RALGPS1: variants seen among roughly 807,000 people sequenced by gnomAD.
The protein encoded by RALGPS1 is Ral GEF with PH domain and SH3 binding motif 1, also known as ras-specific guanine nucleotide-releasing factor RalGPS1.
RALGPS1 carries 19 observed loss-of-function variants against 78.8 expected under a neutral mutation model. That is an observed-to-expected ratio of 0.24 (90% CI 0.17 to 0.35). RALGPS1 has a LOEUF of 0.35. RALGPS1 is among the 10% of genes least tolerant of loss of function. RALGPS1 has a pLI of 1.00. For missense variants in RALGPS1, 454 were observed against 688.3 expected, an observed-to-expected ratio of 0.66 and a Z score of 3.81; for synonymous variants, 228 against 256.3, an observed-to-expected ratio of 0.89 and a Z score of 1.06.
chr9:127,109,851 TC>T (rs1478920788), intron 8 of RALGPS1, among the ~76,000 whole-genome samples: 2 of 152,120 alleles, frequency 1.3e-5, no homozygotes, highest in Non-Finnish European at 2.9e-5. Flanking sequence ...CAGGAATGCT[TC>T]CCTGAGAAAG....
chr9:127,086,430 A>G (rs1053489045), intron 8 of RALGPS1, among the ~76,000 whole-genome samples: 3 of 152,134 alleles, frequency 2.0e-5, no homozygotes, highest in Admixed American at 2.0e-4. Context: ...GCCACACGTC[A>G]TGGTTTATCC....
chr9:126,986,337 C>T (rs527836686), intron 4 of RALGPS1, among the ~76,000 whole-genome samples: 4 of 152,236 alleles, frequency 2.6e-5, no homozygotes, highest in South Asian at 4.1e-4. Flanking sequence ...CATAATATCT[C>T]ACAGCTGTGT....
intron 3 of RALGPS1, among the ~76,000 whole-genome samples, chr9:126,977,068 G>T (rs1317737632): frequency 6.6e-6 from 1 of 152,176 alleles, no homozygotes; most frequent in Non-Finnish European, 1.5e-5. Context: ...AAATGTCATG[G>T]TCATGTAAAA....
chr9:127,101,577 A>T (rs533720363), intron 8 of RALGPS1, among the ~76,000 whole-genome samples: 18 of 152,274 alleles, frequency 1.2e-4, no homozygotes, highest in African/African-American at 4.3e-4. Context: ...CCAGCTGAGA[A>T]CCAATAATAA....
chr9:126,941,991 C>T (rs1311104049), intron 1 of RALGPS1, among the ~76,000 whole-genome samples: 1 of 152,154 alleles, frequency 6.6e-6, no homozygotes, highest in Non-Finnish European at 1.5e-5. Flanking sequence ...CATATTAATC[C>T]TCACACCAAC....
chr9:127,108,334 C>G, intron 8 of RALGPS1: 1 of 1,613,132 alleles, frequency 6.2e-7, no homozygotes, highest in South Asian at 1.1e-5. Context: ...CTGCGTGACC[C>G]GCGAGTTCAT....
At chr9:127,179,506 A>G (rs1299211284) in intron 11 of RALGPS1, among the ~76,000 whole-genome samples, 3 of 152,114 alleles carry the variant, frequency 2.0e-5, no homozygotes, top group African/African-American at 7.2e-5. Context: ...GCTCCTCAGG[A>G]GGGGGTTTAG....
intron 4 of RALGPS1, among the ~76,000 whole-genome samples, chr9:127,000,373 G>A (rs960060282): frequency 3.3e-5 from 5 of 151,950 alleles, no homozygotes; most frequent in African/African-American, 7.2e-5. Context: ...TTGCTCCCAC[G>A]CGTTTTGATA....
At chr9:127,149,092 C>T (rs1260833419) in intron 8 of RALGPS1, among the ~76,000 whole-genome samples, 3 of 152,190 alleles carry the variant, frequency 2.0e-5, no homozygotes, top group Non-Finnish European at 4.4e-5. Context: ...CTGTTCTGGC[C>T]GAGGAACTGT....
At chr9:127,048,883 G>A (rs1293073369) in intron 5 of RALGPS1, among the ~76,000 whole-genome samples, 1 of 152,166 alleles carries the variant, frequency 6.6e-6, no homozygotes, top group Non-Finnish European at 1.5e-5. Context: ...GGCAACCACA[G>A]ATAATTACAC....
intron 8 of RALGPS1, chr9:127,069,643 C>T (rs773741856): frequency 1.5e-5 from 4 of 263,414 alleles, no homozygotes; most frequent in East Asian, 8.2e-5. Flanking sequence ...TGATAAGACT[C>T]GTACTGGTTC....
At chr9:127,079,573 A>G (rs555674860) in intron 8 of RALGPS1, 1 of 151,798 alleles carries the variant, frequency 6.6e-6, no homozygotes, top group South Asian at 2.1e-4. Flanking sequence ...TGCCCTTTCT[A>G]CTCTCTTTTG....
Position 127,212,123 on chromosome 9 carries a change from C to G in RALGPS1, c.1248-8C>G, listed in dbSNP as rs1461511468. The G allele has an allele frequency of 6.2e-7, 1 of 1,607,186 alleles. No homozygotes were observed. The highest frequency in any genetic ancestry group is 1.3e-5 in the African/African-American group (1 of 74,632). On this transcript the variant is annotated splice_region_variant and splice_polypyrimidine_tract_variant and intron_variant, in intron 14 of 18. Transcript: ENST00000259351. The surrounding 1 kb of genome is among the most constrained non-coding windows in gnomAD (Gnocchi z 6.0). The stretch of plus-strand genomic sequence containing the variant: ...CAGGGCGATGTCTGACTGGTAGTCT[C>G]TCCTCAGCCCCACCGGCCCGTGCAT...
chr9:126,958,142 A>AATAAATAAATATATATATATAT (rs1554765219), intron 1 of RALGPS1, among the ~76,000 whole-genome samples: 3 of 77,084 alleles, frequency 3.9e-5, no homozygotes, highest in Non-Finnish European at 8.3e-5. Context: ...AAAAAAAAAA[A>AATAAATAAATATATATATATAT]ATATATATAT....
At chr9:126,969,868 T>C (rs1249316128) in intron 3 of RALGPS1, among the ~76,000 whole-genome samples, 2 of 152,158 alleles carry the variant, frequency 1.3e-5, no homozygotes, top group Non-Finnish European at 2.9e-5. Flanking sequence ...TTTTTGAGAA[T>C]GCAGTGCTAA....
intron 3 of RALGPS1, among the ~76,000 whole-genome samples, chr9:126,976,096 A>G (rs2040592552): frequency 6.6e-6 from 1 of 152,074 alleles, no homozygotes; most frequent in South Asian, 2.1e-4. Flanking sequence ...ATTTTTCTCT[A>G]ATATATTCTT....
chr9:126,951,648 A>C (rs1331356748), intron 1 of RALGPS1, among the ~76,000 whole-genome samples: 1 of 152,160 alleles, frequency 6.6e-6, no homozygotes, highest in African/African-American at 2.4e-5. Flanking sequence ...TCAATAAATT[A>C]GGTATTGATG....
intron 4 of RALGPS1, among the ~76,000 whole-genome samples, chr9:127,002,448 CT>C (rs376846876): frequency 3.1e-5 from 4 of 127,644 alleles, no homozygotes; most frequent in African/African-American, 1.4e-4. Context: ...TTTTTTTTTT[CT>C]TTTTTTTTTA....
At chr9:127,148,523 G>T (rs990667895) in intron 8 of RALGPS1, among the ~76,000 whole-genome samples, 14 of 152,258 alleles carry the variant, frequency 9.2e-5, no homozygotes, top group African/African-American at 2.9e-4. Context: ...CCTGCTGTGT[G>T]CCAGGCACCG....
Sources: allele counts gnomAD v4.1 joint callset (sites outside exome capture counted in the v4.1 genomes callset), GRCh38; gene constraint gnomAD v4.1.1; non-coding constraint Gnocchi (gnomAD v3.1); transcripts MANE v1.5; gene names NCBI Gene and HGNC (gene_info 2026-07-23, HGNC 2026-07-21).